CREB3L2: variants seen among roughly 807,000 people sequenced by gnomAD.
The protein encoded by CREB3L2 is cAMP responsive element binding protein 3 like 2, also known as cyclic AMP-responsive element-binding protein 3-like protein 2.
In CREB3L2, 23 loss-of-function variants were observed where a neutral mutation model predicts 57.2. The ratio of observed to expected loss-of-function variants is 0.40; its 90% CI spans 0.29 to 0.57. The LOEUF (loss-of-function observed/expected upper bound fraction) is 0.57. CREB3L2 is among the 20% of genes least tolerant of loss of function. The pLI, the probability that CREB3L2 is intolerant of heterozygous loss-of-function variation, is 0.42. For missense variants in CREB3L2, 628 were observed against 634.7 expected (o/e 0.99, Z 0.11); for synonymous variants, 268 against 265.1 (o/e 1.01, Z -0.11).
At chr7:137,896,098 C>T (rs2117191011) in intron 8 of CREB3L2, among the ~76,000 whole-genome samples, 1 of 152,326 alleles carries the variant, frequency 6.6e-6, no homozygotes, top group East Asian at 1.9e-4. Flanking sequence ...CCATGGCTGG[C>T]TCTAGGGCAG....
intron 1 of CREB3L2, among the ~76,000 whole-genome samples, chr7:137,951,585 T>A (rs1801099972): frequency 6.6e-6 from 1 of 152,202 alleles, no homozygotes; most frequent in African/African-American, 2.4e-5. Context: ...AATGTATAAG[T>A]ATGGTATATA....
intron 1 of CREB3L2, among the ~76,000 whole-genome samples, chr7:137,939,964 TTAAAG>T (rs1315489101): frequency 6.6e-6 from 1 of 152,146 alleles, no homozygotes; most frequent in South Asian, 2.1e-4. Flanking sequence ...ACAGTGAGAG[TTAAAG>T]TAGATTTAAA....
At chr7:137,887,783 C>T (rs568917684) in intron 8 of CREB3L2, among the ~76,000 whole-genome samples, 3 of 151,894 alleles carry the variant, frequency 2.0e-5, no homozygotes, top group East Asian at 3.9e-4. Context: ...TTAATTTAAG[C>T]AACACAGAAT....
Position 137,915,983 on chromosome 7 carries a change from A to G in CREB3L2, c.349T>C (p.Ser117Pro). Reference protein sequence around the residue: ...DEVESEKWYLSTDFPSTSIKT... With the variant: ...DEVESEKWYLPTDFPSTSIKT... ...ATGGATGTTGAAGGGAAGTCTGTAG[A>G]CAGGTACCATTTCTCACTTTCCACC... is the stretch of plus-strand genomic sequence containing the variant. The change falls in exon 3 of 12, where the codon TCT becomes CCT. Residue 117 changes from serine (S) to proline (P), a missense_variant. Physicochemically the swap from Ser to Pro is moderately conservative, Grantham distance 74 (BLOSUM62 -1). This residue lies in a region of CREB3L2 where 339 missense variants were observed against 355.4 expected (regional missense o/e 0.95). Coordinates refer to ENST00000330387, the MANE Select transcript of CREB3L2 (RefSeq NM_194071.4). 6.2e-7 allele frequency: 1 copy of G among 1,613,694 alleles called. No individual in the cohort carries two copies. Among genetic ancestry groups the G allele is most frequent in the Non-Finnish European group, 8.5e-7 (1 of 1,179,856 alleles).
chr7:137,937,708 T>C (rs966904963), intron 1 of CREB3L2, among the ~76,000 whole-genome samples: 3 of 152,082 alleles, frequency 2.0e-5, no homozygotes, highest in Non-Finnish European at 1.5e-5. Context: ...CACCAGAGTT[T>C]TGGAGATTTG....
chr7:137,946,319 G>C (rs79541721), intron 1 of CREB3L2, among the ~76,000 whole-genome samples: 1 of 151,934 alleles, frequency 6.6e-6, no homozygotes, highest in East Asian at 1.9e-4. Context: ...TATCCTGAGC[G>C]GGTCTGATCT....
intron 1 of CREB3L2, among the ~76,000 whole-genome samples, chr7:137,950,014 T>C (rs1161900034): frequency 6.6e-6 from 1 of 152,184 alleles, no homozygotes; most frequent in Admixed American, 6.5e-5. Context: ...AACAGACATA[T>C]GAGTGGGGTC....
intron 1 of CREB3L2, among the ~76,000 whole-genome samples, chr7:137,991,841 G>A (rs530455213): frequency 6.6e-6 from 1 of 151,808 alleles, no homozygotes; most frequent in Non-Finnish European, 1.5e-5. Context: ...CTGGGACATG[G>A]AGGTTGCAGT....
At chr7:137,890,861 T>A (rs1182481671) in intron 8 of CREB3L2, among the ~76,000 whole-genome samples, 1 of 152,166 alleles carries the variant, frequency 6.6e-6, no homozygotes, top group East Asian at 1.9e-4. Context: ...AGCCAGCAGA[T>A]GAAATGGAAA....
intron 1 of CREB3L2, among the ~76,000 whole-genome samples, chr7:137,968,514 T>C (rs1585665334): frequency 6.6e-6 from 1 of 152,228 alleles, no homozygotes; most frequent in East Asian, 1.9e-4. Context: ...TCTAGCTTCA[T>C]GCATGTCCCT....
intron 1 of CREB3L2, among the ~76,000 whole-genome samples, chr7:137,972,684 CAAAAAAAAAAA>C (rs58627909): frequency 1.1e-3 from 11 of 9,664 alleles, no homozygotes; most frequent in African/African-American, 2.8e-3. Context: ...CCCGTCTCTA[CAAAAAAAAAAA>C]AAAAAAAAAA....
chr7:137,944,011 G>C (rs1800922213), intron 1 of CREB3L2, among the ~76,000 whole-genome samples: 1 of 152,232 alleles, frequency 6.6e-6, no homozygotes, highest in Admixed American at 6.5e-5. Flanking sequence ...ACTGTCTCTG[G>C]CATGAAATTG....
At chr7:137,990,149 G>GT (rs1801866839) in intron 1 of CREB3L2, among the ~76,000 whole-genome samples, 1 of 152,136 alleles carries the variant, frequency 6.6e-6, no homozygotes, top group African/African-American at 2.4e-5. Context: ...TGATCTTGTG[G>GT]TATCTCCCAA....
Position 138,001,501 on chromosome 7 carries a change from G to T in CREB3L2, c.102+103C>A. On this transcript the variant is annotated intron_variant, in intron 1 of 11. Transcript: ENST00000330387. The surrounding 1 kb of genome is among the most constrained non-coding windows in gnomAD (Gnocchi z 4.2). The stretch of plus-strand genomic sequence containing the variant: ...GACCTCTTGATTCTGACCATGCCCT[G>T]CCCCAAACCCTGCCTTCCCGGGTCC... The T allele has an allele frequency of 7.5e-6, 6 of 803,644 alleles. No individual in the cohort carries two copies. Among genetic ancestry groups the T allele is most frequent in the Non-Finnish European group, 8.1e-6 (4 of 493,416 alleles). The allele number at this position is 803,644 out of a possible 1,614,324, so 49.8% of individuals were successfully genotyped here. A position where few individuals can be genotyped will look rare whatever the true frequency, so the allele number is the denominator to read the frequency against.
intron 1 of CREB3L2, among the ~76,000 whole-genome samples, chr7:137,967,286 G>A (rs1039381643): frequency 1.1e-4 from 16 of 152,216 alleles, no homozygotes; most frequent in African/African-American, 3.1e-4. Context: ...AAGGTGGCCT[G>A]AGCAGACCAA....
chr7:138,001,100 C>T lies in CREB3L2; in HGVS notation c.102+504G>A, dbSNP rs1209157359. ...CCCTTTCAACACACACACACACACA[C>T]ACACACACACACACACACACACACA... On this transcript the variant is annotated intron_variant, in intron 1 of 11. Coordinates refer to ENST00000330387, the MANE Select transcript of CREB3L2 (RefSeq NM_194071.4). The surrounding 1 kb of genome is among the most constrained non-coding windows in gnomAD (Gnocchi z 4.2). 1.4e-5 allele frequency among the ~76,000 whole-genome samples: 2 copies of T among 146,474 alleles called. No individual in the cohort carries two copies. Among genetic ancestry groups the T allele is most frequent in the African/African-American group, 5.5e-5 (2 of 36,678 alleles).
chr7:137,915,830 A>C lies in CREB3L2; in HGVS notation c.495+7T>G. The C allele has an allele frequency of 6.2e-7, 1 of 1,611,998 alleles. No homozygotes were observed. The highest frequency in any genetic ancestry group is 8.5e-7 in the Non-Finnish European group (1 of 1,179,118). Reference sequence around the variant, plus strand: ...AACCTGTTTAAACAGACGAAAATTGAGCATACCCCAGTGTTCATTTCCAGA... The same window carrying C: ...AACCTGTTTAAACAGACGAAAATTGCGCATACCCCAGTGTTCATTTCCAGA... On this transcript the variant is annotated splice_region_variant and intron_variant, in intron 3 of 11. Coordinates refer to ENST00000330387, the MANE Select transcript of CREB3L2 (RefSeq NM_194071.4).
At chr7:137,899,037 G>A (rs988127619) in intron 8 of CREB3L2, among the ~76,000 whole-genome samples, 3 of 105,854 alleles carry the variant, frequency 2.8e-5, no homozygotes, top group African/African-American at 1.1e-4. Context: ...AGGAAGAAAG[G>A]AAGAAAAAAG....
chr7:137,934,894 T>C (rs986075557), intron 1 of CREB3L2, among the ~76,000 whole-genome samples: 2 of 152,228 alleles, frequency 1.3e-5, no homozygotes, highest in African/African-American at 4.8e-5. Context: ...AGAATACACA[T>C]GGCAACTTCC....
Sources: allele counts gnomAD v4.1 joint callset (sites outside exome capture counted in the v4.1 genomes callset), GRCh38; gene constraint gnomAD v4.1.1; regional missense constraint gnomAD v4.1.1; non-coding constraint Gnocchi (gnomAD v3.1); transcripts MANE v1.5; gene names NCBI Gene and HGNC (gene_info 2026-07-23, HGNC 2026-07-21).